The following NTM variants were observed in gnomAD, a reference collection of about 807,000 sequenced individuals.
The protein encoded by NTM is IgLON family member 2.
Under a neutral mutation model 42.1 loss-of-function variants are expected in NTM, and 13 were observed. That is an observed-to-expected ratio of 0.31 (90% CI 0.20 to 0.49). NTM has a LOEUF of 0.49. Ranked by LOEUF, NTM falls within the 20% of genes least tolerant of loss-of-function variation. The pLI, the probability that NTM is intolerant of heterozygous loss-of-function variation, is 0.99. For missense variants in NTM, 373 were observed against 452.8 expected (o/e 0.82, Z 1.60); for synonymous variants, 187 against 179.2 (o/e 1.04, Z -0.35).
intron 4 of NTM, among the ~76,000 whole-genome samples, chr11:132,298,241 C>T (rs1012186500): frequency 3.3e-5 from 5 of 152,248 alleles, no homozygotes; most frequent in African/African-American, 9.6e-5. Context: ...GGCAATATGA[C>T]ATTGCGGAGT....
intron 1 of NTM, among the ~76,000 whole-genome samples, chr11:131,658,414 C>A (rs1592397636): frequency 1.3e-5 from 2 of 152,236 alleles, no homozygotes; most frequent in Non-Finnish European, 2.9e-5. Context: ...ACTGCCCCAG[C>A]CTCCCCAACT....
intron 4 of NTM, among the ~76,000 whole-genome samples, chr11:132,290,248 A>C (rs985510813): frequency 3.3e-5 from 5 of 152,066 alleles, no homozygotes; most frequent in African/African-American, 1.2e-4. Flanking sequence ...ACTGACTAAA[A>C]GATAGTCTGA....
intron 3 of NTM, among the ~76,000 whole-genome samples, chr11:132,194,483 A>G (rs2079852898): frequency 6.6e-6 from 1 of 152,210 alleles, no homozygotes; most frequent in Non-Finnish European, 1.5e-5. Flanking sequence ...GATAAGAGAC[A>G]TATATGACAA....
At chr11:131,672,344 C>T (rs2070453524) in intron 1 of NTM, among the ~76,000 whole-genome samples, 1 of 152,236 alleles carries the variant, frequency 6.6e-6, no homozygotes, top group African/African-American at 2.4e-5. Context: ...GCGACTTGAG[C>T]AAATGAGCCT....
chr11:131,421,010 C>T (rs1437181788), intron 1 of NTM, among the ~76,000 whole-genome samples: 1 of 152,030 alleles, frequency 6.6e-6, no homozygotes, highest in Non-Finnish European at 1.5e-5. Context: ...TTTCTTCATC[C>T]CAAGCAGATG....
chr11:131,503,649 A>G (rs951632799), intron 1 of NTM, among the ~76,000 whole-genome samples: 1 of 151,726 alleles, frequency 6.6e-6, no homozygotes, highest in Non-Finnish European at 1.5e-5. Flanking sequence ...CAGCCTCCCA[A>G]ATAGCTGGGA....
At chr11:131,509,347 C>T (rs959824649) in intron 1 of NTM, among the ~76,000 whole-genome samples, 16 of 152,194 alleles carry the variant, frequency 1.1e-4, no homozygotes, top group African/African-American at 2.9e-4. Flanking sequence ...TTTACTCTGT[C>T]GGTGTCCAAT....
intron 2 of NTM, among the ~76,000 whole-genome samples, chr11:131,977,050 C>T (rs1225447542): frequency 6.6e-6 from 1 of 152,202 alleles, no homozygotes; most frequent in Non-Finnish European, 1.5e-5. Flanking sequence ...TAAATGTCAG[C>T]ACCATCCATT....
At chr11:131,968,142 A>G (rs1205723109) in intron 2 of NTM, among the ~76,000 whole-genome samples, 2 of 152,224 alleles carry the variant, frequency 1.3e-5, no homozygotes, top group East Asian at 3.8e-4. Flanking sequence ...TCTCACAATG[A>G]TCTTGTAAAG....
chr11:132,024,022 T>C (rs1688472115), intron 2 of NTM, among the ~76,000 whole-genome samples: 1 of 152,028 alleles, frequency 6.6e-6, no homozygotes, highest in African/African-American at 2.4e-5. Context: ...GGTTTCACCA[T>C]GTTAGCCAGG....
chr11:132,279,122 C>G (rs2093862966), intron 4 of NTM, among the ~76,000 whole-genome samples: 1 of 152,206 alleles, frequency 6.6e-6, no homozygotes, highest in African/African-American at 2.4e-5. Flanking sequence ...CTGCTGGCCC[C>G]AAACAGAGAC....
intron 4 of NTM, among the ~76,000 whole-genome samples, chr11:132,280,037 G>A (rs1046991034): frequency 1.3e-5 from 2 of 152,180 alleles, no homozygotes; most frequent in African/African-American, 4.8e-5. Context: ...TCTGTCTCCA[G>A]CTCATGGTAC....
intron 1 of NTM, among the ~76,000 whole-genome samples, chr11:131,430,605 G>A (rs1948571968): frequency 6.6e-6 from 1 of 152,204 alleles, no homozygotes. Flanking sequence ...CAAAGATCCA[G>A]ACTGATTACA....
intron 1 of NTM, among the ~76,000 whole-genome samples, chr11:131,712,018 G>T (rs61901635): frequency 1.4e-5 from 2 of 144,964 alleles, no homozygotes; most frequent in Non-Finnish European, 3.0e-5. Flanking sequence ...GCATTAGGAG[G>T]TATACCTAAT....
intron 2 of NTM, among the ~76,000 whole-genome samples, chr11:132,108,212 C>T (rs1485696565): frequency 1.3e-5 from 2 of 152,302 alleles, no homozygotes; most frequent in East Asian, 1.9e-4. Context: ...CCACTTCATA[C>T]CTTTACCTCT....
intron 2 of NTM, among the ~76,000 whole-genome samples, chr11:132,108,816 T>A (rs552883927): frequency 1.1e-3 from 164 of 152,308 alleles, no homozygotes; most frequent in African/African-American, 3.7e-3. Flanking sequence ...CAACTCATCA[T>A]CTACGTTAGA....
chr11:132,171,856 C>T (rs2076163651), intron 3 of NTM, among the ~76,000 whole-genome samples: 1 of 152,346 alleles, frequency 6.6e-6, no homozygotes, highest in African/African-American at 2.4e-5. Context: ...CTGACTGCTA[C>T]TCTCTGCCCC....
intron 1 of NTM, among the ~76,000 whole-genome samples, chr11:131,878,640 T>TAA (rs1555164645): frequency 4.7e-4 from 57 of 121,394 alleles, no homozygotes; most frequent in African/African-American, 1.8e-3. Context: ...TATATATATA[T>TAA]AATGTCTTAT....
intron 8 of NTM, among the ~76,000 whole-genome samples, chr11:132,331,371 A>C (rs1296311272): frequency 1.2e-4 from 18 of 152,246 alleles, no homozygotes; most frequent in Admixed American, 1.2e-3. Flanking sequence ...ACACTCAGCC[A>C]CAGGAATTCT....
Sources: allele counts gnomAD v4.1 joint callset (sites outside exome capture counted in the v4.1 genomes callset), GRCh38; gene constraint gnomAD v4.1.1; transcripts MANE v1.5; gene names NCBI Gene and HGNC (gene_info 2026-07-23, HGNC 2026-07-21).